Variants in DNAH8 observed in about 807,000 individuals in gnomAD.
The protein encoded by DNAH8 is dynein axonemal heavy chain 8.
DNAH8 carries 382 observed loss-of-function variants against 562.1 expected under a neutral mutation model. That is an observed-to-expected ratio of 0.68 (90% CI 0.63 to 0.74). The LOEUF is 0.74. DNAH8 is among the 30% of genes least tolerant of loss of function. The pLI, the probability that DNAH8 is intolerant of heterozygous loss-of-function variation, is 0.00. For synonymous variants in DNAH8, 1,881 were observed against 1,919.4 expected (o/e 0.98, Z 0.52); for missense variants, 5,203 against 5,620.4 (o/e 0.93, Z 2.37).
chr6:38,937,360 A>G (rs966010236), intron 77 of DNAH8, among the ~76,000 whole-genome samples: 1 of 152,244 alleles, frequency 6.6e-6, no homozygotes, highest in Non-Finnish European at 1.5e-5. Flanking sequence ...ATAATAAAAA[A>G]AAAAATAATG....
In DNAH8 at chr6:38,938,996, G is replaced by A; in HGVS notation, c.12007+8G>A. The A allele has an allele frequency of 1.2e-6, 2 of 1,610,616 alleles. No homozygotes were observed. Among genetic ancestry groups the A allele is most frequent in the Non-Finnish European group, 1.7e-6 (2 of 1,177,820 alleles). On this transcript the variant is annotated splice_region_variant and intron_variant, in intron 79 of 92. Coordinates refer to ENST00000327475, the MANE Select transcript of DNAH8 (RefSeq NM_001206927.2). ...TTCAAGCTCTCATTAAAGGTAAAGT[G>A]TGTGGGATACAGATGTGGTGTGTGG... is the stretch of plus-strand genomic sequence containing the variant.
intron 8 of DNAH8, among the ~76,000 whole-genome samples, chr6:38,745,827 C>T (rs924415347): frequency 5.3e-5 from 8 of 152,118 alleles, no homozygotes; most frequent in African/African-American, 1.7e-4. Flanking sequence ...GATGGTTTCT[C>T]GTGAATACAT....
Position 38,794,505 on chromosome 6 carries a change from A to G in DNAH8, c.2901+2831A>G, listed in dbSNP as rs1402572219. ...TTGTAACTGTCTCCATGATCAAGAT[A>G]TGGAACACTTTCTGTATCCCAAGTG... On this transcript the variant is annotated intron_variant, in intron 21 of 92. Transcript: ENST00000327475. 3.9e-5 allele frequency among the ~76,000 whole-genome samples: 6 copies of G among 152,224 alleles called. No homozygotes were observed. In the East Asian group the frequency reaches 7.7e-4, roughly 20 times the overall value.
rs142960937 is a variant in DNAH8 at position 38,877,170 on chromosome 6, C to T, written c.7858+1342C>T. ...GAGTGCCTTGTCCTTATTCAGAGGC[C>T]GGGCCCCAAGTTACTCAGAGAGTGA... is the stretch of plus-strand genomic sequence containing the variant. On this transcript the variant is annotated intron_variant, in intron 53 of 92. Transcript: ENST00000327475. 1.2e-3 allele frequency among the ~76,000 whole-genome samples: 181 copies of T among 152,156 alleles called. 1 individual carries two copies. The highest frequency in any genetic ancestry group is 4.1e-3 in the African/African-American group (169 of 41,524).
At chr6:38,804,294 T>C (rs539431112) in intron 22 of DNAH8, among the ~76,000 whole-genome samples, 4 of 152,346 alleles carry the variant, frequency 2.6e-5, no homozygotes, top group African/African-American at 9.6e-5. Context: ...CTTTTAGCTT[T>C]GCTCAGATTA....
chr6:38,933,006 A>T (rs1310507329), intron 76 of DNAH8: 1 of 152,314 alleles, frequency 6.6e-6, no homozygotes, highest in East Asian at 1.9e-4. Flanking sequence ...CCTGGGGCTT[A>T]TGCAGTCCAG....
In DNAH8 at chr6:38,723,368, G is replaced by T; in HGVS notation, c.422G>T (p.Arg141Ile). Residue 141 changes from arginine (R) to isoleucine (I), a missense_variant, in exon 3 of 93, where the codon AGA becomes ATA. By Grantham distance (97) the Arg-to-Ile change is moderately conservative (BLOSUM62 -3). Transcript: ENST00000327475. ...TTTAGAGAGGCAAGGGAAAGCCGAA[G>T]ACTGAAAATTGACCCTTCATACAAA... The part of the protein sequence containing the change: ...ARFREARESR[R>I]LKIDPSYKYI... 1 of 1,611,358 alleles carries T rather than the reference G, an allele frequency of 6.2e-7. No individual in the cohort carries two copies. Among genetic ancestry groups the T allele is most frequent in the Non-Finnish European group, 8.5e-7 (1 of 1,179,612 alleles).
intron 20 of DNAH8, among the ~76,000 whole-genome samples, chr6:38,790,949 C>A (rs1439868681): frequency 2.0e-5 from 3 of 152,074 alleles, no homozygotes; most frequent in Non-Finnish European, 4.4e-5. Context: ...GGTTCAACTT[C>A]ACACTGTAGC....
chr6:38,818,835 C>G (rs1678704), intron 26 of DNAH8, among the ~76,000 whole-genome samples: 74,719 of 151,632 alleles, frequency 0.49, 19,341 homozygotes, highest in East Asian at 0.69. Flanking sequence ...AGTTGTTGCT[C>G]TACACTCATT....
intron 21 of DNAH8, among the ~76,000 whole-genome samples, chr6:38,801,896 T>G (rs1488600909): frequency 5.9e-5 from 9 of 152,078 alleles, no homozygotes; most frequent in Admixed American, 5.2e-4. Context: ...TGGACAGACT[T>G]GGGATCCTCT....
In DNAH8 at chr6:39,000,144, G is replaced by T. The variant is rs190573605; in HGVS notation, c.13215-8670G>T. Among the ~76,000 whole-genome samples, 134 of 152,276 alleles carry T rather than the reference G, an allele frequency of 8.8e-4. No homozygotes were observed. In the Middle Eastern group the frequency reaches 0.01, roughly 12 times the overall value. On this transcript the variant is annotated intron_variant, in intron 88 of 92. Transcript: ENST00000327475. The stretch of plus-strand genomic sequence containing the variant: ...ACATTTGTTGAGAACTTACTGTCTG[G>T]CTAACCTGGGGATACAAAGATGAGT...
intron 62 of DNAH8, among the ~76,000 whole-genome samples, chr6:38,901,671 T>C (rs1780091906): frequency 6.6e-6 from 1 of 152,202 alleles, no homozygotes; most frequent in Admixed American, 6.5e-5. Flanking sequence ...ATTTGGCCTT[T>C]TATTTCCGTA....
At chr6:38,814,272 A>G (rs1772052720) in intron 25 of DNAH8, 143 bp downstream of exon 25, 3 of 605,832 alleles carry the variant, frequency 5.0e-6, no homozygotes, top group South Asian at 2.2e-5. Flanking sequence ...AATGTCATTT[A>G]TATCTGTTAT....
At chr6:38,963,600 AGG>A (rs1284958747) in intron 82 of DNAH8, among the ~76,000 whole-genome samples, 2 of 137,108 alleles carry the variant, frequency 1.5e-5, no homozygotes, top group Non-Finnish European at 3.1e-5. Context: ...TCCTGAACTC[AGG>A]TGATCTGCCC....
intron 82 of DNAH8, among the ~76,000 whole-genome samples, chr6:38,967,563 T>C (rs1197199439): frequency 6.6e-6 from 1 of 152,060 alleles, no homozygotes; most frequent in Non-Finnish European, 1.5e-5. Context: ...TACTTAGGAA[T>C]AAATTCAATA....
chr6:38,826,457 C>A, intron 29 of DNAH8, 66 bp downstream of exon 29: 2 of 966,214 alleles, frequency 2.1e-6, no homozygotes, highest in Non-Finnish European at 3.2e-6. Context: ...TAGAGACACA[C>A]TAAGAAAGTG....
rs763937775 is a variant in DNAH8, at chr6:39,030,117, A to G, written c.13849A>G (p.Ile4617Val). 6.2e-7 allele frequency: 1 copy of G among 1,613,348 alleles called. No homozygotes were observed. The highest frequency in any genetic ancestry group is 8.5e-7 in the Non-Finnish European group (1 of 1,179,600). ...ITSPPGEGVYIYGLYMDGAAW... is the reference protein window; with the variant it reads ...ITSPPGEGVYVYGLYMDGAAW... ...TTGACTCTTCCAGGAAGGTGTGTAT[A>G]TTTATGGGCTCTACATGGATGGAGC... Residue 4617 changes from isoleucine to valine, a missense_variant, in exon 93 of 93, where the codon ATT (isoleucine) becomes GTT (valine). Physicochemically the swap from Ile to Val is conservative, Grantham distance 29. Transcript: ENST00000327475.
chr6:38,842,040 A>C (rs540997801), intron 33 of DNAH8, among the ~76,000 whole-genome samples: 1 of 152,334 alleles, frequency 6.6e-6, no homozygotes, highest in Admixed American at 6.5e-5. Context: ...CCTTATCATT[A>C]AGTTTTGGTC....
chr6:38,822,905 G>A lies in DNAH8; in HGVS notation c.3591G>A (p.Lys1197=), dbSNP rs1256436645. The change falls in exon 27 of 93, where the codon AAG becomes AAA. Residue 1197 remains lysine, a synonymous_variant. Coordinates refer to ENST00000327475, the MANE Select transcript of DNAH8 (RefSeq NM_001206927.2). The stretch of plus-strand genomic sequence containing the variant: ...TTTACCCGGGGGTAGCGGAGCACAA[G>A]GATATTTCTAAGTTGGTCCTGCTCC... The part of the protein sequence containing the change: ...KNFYPGVAEH[K]DISKLVLLLS... 6.2e-7 allele frequency: 1 copy of A among 1,612,604 alleles called. No individual in the cohort carries two copies. Among genetic ancestry groups the A allele is most frequent in the East Asian group, 2.2e-5 (1 of 44,830 alleles).
Sources: gnomAD v4.1 joint callset for allele counts (sites outside exome capture counted in the v4.1 genomes callset) on GRCh38, gnomAD v4.1.1 for gene constraint, MANE v1.5 for transcripts, NCBI Gene and HGNC (gene_info 2026-07-23, HGNC 2026-07-21) for gene names.